Variants in NF1 observed in about 807,000 individuals in gnomAD.
NF1 encodes the protein neurofibromin 1, also known as neurofibromin.
In NF1, 122 loss-of-function variants were observed where a neutral mutation model predicts 325.7. That is an observed-to-expected ratio of 0.37 (90% CI 0.32 to 0.44). The LOEUF (loss-of-function observed/expected upper bound fraction) is 0.44, where lower values mean the gene tolerates loss of function less well. Ranked by LOEUF, NF1 falls within the 20% of genes least tolerant of loss-of-function variation. The pLI is 1.00. For synonymous variants in NF1, 1,091 were observed against 1,186.0 expected (o/e 0.92, Z 1.65); for missense variants, 2,140 against 3,415.4 (o/e 0.63, Z 9.31).
chr17:31,297,390 G>A (rs1457905175), intron 36 of NF1: 1 of 152,086 alleles, frequency 6.6e-6, no homozygotes, highest in Non-Finnish European at 1.5e-5. Flanking sequence ...CAACAAAATG[G>A]ACAATTTTTT....
chr17:31,168,480 G>C (rs2065880264), intron 4 of NF1, among the ~76,000 whole-genome samples: 1 of 151,972 alleles, frequency 6.6e-6, no homozygotes, highest in Non-Finnish European at 1.5e-5. Flanking sequence ...GCGTACTTTG[G>C]AATTGGTTGA....
rs562949521 is a variant in NF1, at chr17:31,376,772, C to T, written c.*2617C>T. On this transcript the variant is annotated 3_prime_UTR_variant, in exon 58 of 58. Coordinates refer to ENST00000358273, the MANE Select transcript of NF1 (RefSeq NM_001042492.3). ...GACTTGTTAAAGAGGAAACCAGGAA[C>T]TCAGTCATGTTTTTGTCCTGGATAA... is the stretch of plus-strand genomic sequence containing the variant. 5 of 233,204 alleles carry T rather than the reference C, an allele frequency of 2.1e-5. No individual in the cohort carries two copies. The South Asian group carries it at 9.1e-4, about 42-fold the overall frequency. The allele number at this position is 233,204 out of a possible 1,614,324, so 14.4% of individuals were successfully genotyped here.
At position 31,163,183 on chromosome 17, in the gene NF1, T is replaced by C. The variant is rs1461646186; in HGVS notation, c.289-3T>C. 3 of 1,613,968 alleles carry C rather than the reference T, an allele frequency of 1.9e-6. No homozygotes were observed. The highest frequency in any genetic ancestry group is 1.1e-5 in the South Asian group (1 of 91,054). On this transcript the variant is annotated splice_region_variant and splice_polypyrimidine_tract_variant and intron_variant, in intron 3 of 57. Coordinates refer to ENST00000358273, the MANE Select transcript of NF1 (RefSeq NM_001042492.3). The stretch of plus-strand genomic sequence containing the variant: ...TAGAATAATGTGATTATTTCTATTT[T>C]AGCAACCAAAGGACACAATGAGATT...
chr17:31,267,001 G>A (rs1299031355), intron 36 of NF1, among the ~76,000 whole-genome samples: 1 of 151,402 alleles, frequency 6.6e-6, no homozygotes, highest in African/African-American at 2.4e-5. Flanking sequence ...GAGCGATCTC[G>A]GCTCACTGCA....
chr17:31,172,335 GTCTCTCTGTC>G (rs1306360111), intron 5 of NF1, among the ~76,000 whole-genome samples: 1 of 142,496 alleles, frequency 7.0e-6, no homozygotes, highest in Non-Finnish European at 1.5e-5. Flanking sequence ...GTCTCTGTCT[GTCTCTCTGTC>G]TCTCTGTCTC....
intron 8 of NF1, among the ~76,000 whole-genome samples, chr17:31,186,631 A>G (rs2066244810): frequency 6.6e-6 from 1 of 152,148 alleles, no homozygotes; most frequent in Non-Finnish European, 1.5e-5. Context: ...AAAAACTGTG[A>G]TGTTTGTATC....
intron 20 of NF1, among the ~76,000 whole-genome samples, chr17:31,227,867 A>G (rs1244525317): frequency 6.6e-6 from 1 of 152,234 alleles, no homozygotes. Context: ...CGCAAGTACC[A>G]GTAGCCACAT....
chr17:31,196,537 A>T (rs2066436772), intron 8 of NF1, among the ~76,000 whole-genome samples: 1 of 152,062 alleles, frequency 6.6e-6, no homozygotes, highest in African/African-American at 2.4e-5. Context: ...TTTTATTTTG[A>T]TGAAATCCAG....
At chr17:31,172,373 TTC>T (rs777016268) in intron 5 of NF1, among the ~76,000 whole-genome samples, 1 of 145,754 alleles carries the variant, frequency 6.9e-6, no homozygotes, top group Non-Finnish European at 1.6e-5. Flanking sequence ...CTCTCTCTCT[TTC>T]TCTCTTTCTC....
intron 39 of NF1, 24 bp downstream of exon 39, chr17:31,330,522 A>G: frequency 1.3e-6 from 2 of 1,483,150 alleles, no homozygotes; most frequent in Middle Eastern, 3.5e-4. Flanking sequence ...ATTTTCTTTA[A>G]TACTAACAAT....
chr17:31,326,301 A>G lies in NF1; in HGVS notation c.5268+49A>G, dbSNP rs1424260417. The G allele has an allele frequency of 3.2e-6, 5 of 1,562,582 alleles. No individual in the cohort carries two copies. The South Asian group carries it at 3.3e-5, about 10-fold the overall frequency. Reference sequence around the variant, plus strand: ...AAACGATTCATTGCTTTTCTTGACTAACTAGACTATATCCTGGCCTCCCTA... The same window carrying G: ...AAACGATTCATTGCTTTTCTTGACTGACTAGACTATATCCTGGCCTCCCTA... On this transcript the variant is annotated intron_variant, in intron 37 of 57. Coordinates refer to ENST00000358273, the MANE Select transcript of NF1 (RefSeq NM_001042492.3).
chr17:31,144,749 A>C (rs1916474136), intron 1 of NF1, among the ~76,000 whole-genome samples: 1 of 152,176 alleles, frequency 6.6e-6, no homozygotes, highest in Non-Finnish European at 1.5e-5. Context: ...AAAAACTGTC[A>C]GACCAATTAA....
intron 36 of NF1, chr17:31,320,481 G>A: frequency 1.3e-6 from 2 of 1,518,810 alleles, no homozygotes; most frequent in Non-Finnish European, 1.8e-6. Context: ...TATAAGAAAT[G>A]GTTGTTATAT....
chr17:31,284,529 C>A (rs1032637938), intron 36 of NF1, among the ~76,000 whole-genome samples: 2 of 151,976 alleles, frequency 1.3e-5, no homozygotes, highest in African/African-American at 4.8e-5. Flanking sequence ...AAGTGATCCG[C>A]CTGCCTCGGC....
At chr17:31,206,008 T>C (rs1361998748) in intron 11 of NF1, among the ~76,000 whole-genome samples, 1 of 152,154 alleles carries the variant, frequency 6.6e-6, no homozygotes, top group Admixed American at 6.5e-5. Context: ...CACATGCTCA[T>C]AAAGTGGGCA....
Position 31,233,068 on chromosome 17 carries a change from A to T in NF1, c.3563A>T (p.Gln1188Leu), listed in dbSNP as rs758419553. ...TFMEVLTKIL[Q>L]QGTEFDTLAE... ...ATGGAAGTTCTGACAAAAATCCTTC[A>T]ACAAGGCACAGAATTTGACACACTT... The change falls in exon 27 of 58, where the codon CAA (glutamine) becomes CTA (leucine). Residue 1188 changes from glutamine to leucine, a missense_variant. Gln to Leu is a moderately radical substitution (Grantham distance 113). Coordinates refer to ENST00000358273, the MANE Select transcript of NF1 (RefSeq NM_001042492.3). 6.2e-7 allele frequency: 1 copy of T among 1,614,242 alleles called. No individual in the cohort carries two copies. The highest frequency in any genetic ancestry group is 8.5e-7 in the Non-Finnish European group (1 of 1,180,028).
intron 36 of NF1, among the ~76,000 whole-genome samples, chr17:31,287,506 G>A (rs2068253955): frequency 6.6e-6 from 1 of 151,640 alleles, no homozygotes. Context: ...GAGTGCGTAT[G>A]TATGTTTAAT....
chr17:31,108,876 A>T (rs903278729), intron 1 of NF1, among the ~76,000 whole-genome samples: 5 of 152,176 alleles, frequency 3.3e-5, no homozygotes, highest in Non-Finnish European at 5.9e-5. Context: ...AGAGAGTAAC[A>T]CGTGGTGGAG....
intron 39 of NF1, 57 bp from the exon 40 acceptor site, chr17:31,334,781 T>C (rs1425302695): frequency 9.6e-6 from 13 of 1,354,810 alleles, no homozygotes; most frequent in Non-Finnish European, 1.4e-5. Context: ...TTATGTTAAA[T>C]AATTGTTGAT....
Sources: gnomAD v4.1 joint callset for allele counts (sites outside exome capture counted in the v4.1 genomes callset) on GRCh38, gnomAD v4.1.1 for gene constraint, MANE v1.5 for transcripts, NCBI Gene and HGNC (gene_info 2026-07-23, HGNC 2026-07-21) for gene names.